Variants in SLC39A8 observed in about 807,000 individuals in gnomAD.
SLC39A8 encodes metal cation symporter ZIP8.
Under a neutral mutation model 40.4 loss-of-function variants are expected in SLC39A8, and 15 were observed. The ratio of observed to expected loss-of-function variants is 0.37; its 90% CI spans 0.25 to 0.57. The LOEUF is 0.57. Among genes scored for constraint, SLC39A8 ranks in the 20% least tolerant of loss-of-function variants. SLC39A8 has a pLI of 0.75. For synonymous variants in SLC39A8, 223 were observed against 221.6 expected, an observed-to-expected ratio of 1.01 and a Z score of -0.06; for missense variants, 472 against 558.8, an observed-to-expected ratio of 0.84 and a Z score of 1.57.
At chr4:102,303,210 GTTAT>G (rs943694349) in intron 6 of SLC39A8, among the ~76,000 whole-genome samples, 2 of 151,886 alleles carry the variant, frequency 1.3e-5, no homozygotes, top group African/African-American at 2.4e-5. Context: ...ACCTGGAGGG[GTTAT>G]TTAACATCTA....
At chr4:102,317,291 A>G (rs1578608758) in intron 2 of SLC39A8, among the ~76,000 whole-genome samples, 1 of 152,198 alleles carries the variant, frequency 6.6e-6, no homozygotes, top group African/African-American at 2.4e-5. Context: ...ACCAAGATCT[A>G]TGCAGTTGTC....
chr4:102,344,651 AC>A lies in SLC39A8; in HGVS notation c.11del (p.Gly4ValfsTer24). MAP[G>X]RAVAGLLLLA... is the part of the protein sequence containing the mutation. ...GCAACAGGAGCCCGGCCACCGCGCG[AC>A]CCGGGGCCATCCTGGCCTGGGCTTC... is the stretch of plus-strand genomic sequence containing the variant. On this transcript the variant is annotated frameshift_variant, in exon 2 of 9. Transcript: ENST00000356736. LOFTEE classifies it high-confidence loss of function. 6.5e-7 allele frequency: 1 copy of A among 1,532,818 alleles called. No individual in the cohort carries two copies. Among genetic ancestry groups the A allele is most frequent in the Non-Finnish European group, 8.8e-7 (1 of 1,141,282 alleles). 95.0% of individuals were successfully genotyped at this position (1,532,818 alleles called of 1,614,324 possible).
chr4:102,335,043 T>C (rs1735610181), intron 2 of SLC39A8, among the ~76,000 whole-genome samples: 1 of 152,190 alleles, frequency 6.6e-6, no homozygotes, highest in African/African-American at 2.4e-5. Context: ...CAACATTTAC[T>C]TAAACAGCGT....
chr4:102,297,982 G>T lies in SLC39A8; in HGVS notation c.840+6335C>A, dbSNP rs185036061. ...AAAGATGAGAATATTTAGAGGAACTGGCCTTAAAAAGGAGAAAGGACACCA... is the reference window on the plus strand; with the variant it reads ...AAAGATGAGAATATTTAGAGGAACTTGCCTTAAAAAGGAGAAAGGACACCA... On this transcript the variant is annotated intron_variant, in intron 6 of 8. Coordinates refer to ENST00000356736, the MANE Select transcript of SLC39A8 (RefSeq NM_001135146.2). 5.2e-3 allele frequency among the ~76,000 whole-genome samples: 791 copies of T among 151,950 alleles called. 4 individuals are homozygous for T. The highest frequency in any genetic ancestry group is 8.0e-3 in the Non-Finnish European group (541 of 67,932).
chr4:102,276,201 G>GT (rs1424177644), intron 6 of SLC39A8, among the ~76,000 whole-genome samples: 3 of 152,188 alleles, frequency 2.0e-5, no homozygotes, highest in Admixed American at 1.3e-4. Flanking sequence ...CCAGGAGCTG[G>GT]TTTTTTGAAA....
intron 11 of SLC39A8, among the ~76,000 whole-genome samples, chr4:102,256,181 A>G (rs953533273): frequency 6.6e-6 from 1 of 152,228 alleles, no homozygotes; most frequent in Non-Finnish European, 1.5e-5. Context: ...TTGTCTATTT[A>G]TAAGCATTGC....
chr4:102,336,874 C>T (rs886066752), intron 2 of SLC39A8, among the ~76,000 whole-genome samples: 1 of 152,292 alleles, frequency 6.6e-6, no homozygotes, highest in Non-Finnish European at 1.5e-5. Flanking sequence ...GTTTTGATTA[C>T]AAACAGGAAT....
rs757842740 is a variant in SLC39A8 at position 102,304,478 on chromosome 4, C to A, written c.679G>T (p.Gly227Cys). The change falls in exon 6 of 9, where the codon GGT (glycine) becomes TGT (cysteine). Residue 227 changes from glycine to cysteine, a missense_variant. Gly to Cys is a radical substitution (Grantham distance 159, BLOSUM62 -3). This residue lies in a region of SLC39A8 where 239 missense variants were observed against 317.9 expected (regional missense o/e 0.75). Coordinates refer to ENST00000356736, the MANE Select transcript of SLC39A8 (RefSeq NM_001135146.2). ...TTATCATTTCCAAAGTGGGTATGAC[C>A]ATTCTATATGGGAACAAAAACCAAA... ...KMLLKTYGQN[G>C]HTHFGNDNFG... The A allele has an allele frequency of 1.2e-6, 2 of 1,608,660 alleles. No homozygotes were observed. The highest frequency in any genetic ancestry group is 2.2e-5 in the East Asian group (1 of 44,646).
intron 2 of SLC39A8, among the ~76,000 whole-genome samples, chr4:102,333,793 A>G (rs969319585): frequency 3.9e-5 from 6 of 152,336 alleles, no homozygotes; most frequent in Admixed American, 3.3e-4. Flanking sequence ...CCTTGAAGAT[A>G]TACAGAAAGA....
chr4:102,340,577 A>G (rs891064218), intron 2 of SLC39A8, among the ~76,000 whole-genome samples: 3 of 152,214 alleles, frequency 2.0e-5, no homozygotes, highest in Non-Finnish European at 1.5e-5. Flanking sequence ...CCAAATCAGA[A>G]AAGGACTTTG....
At chr4:102,290,921 C>T (rs1733408340) in intron 6 of SLC39A8, among the ~76,000 whole-genome samples, 1 of 152,080 alleles carries the variant, frequency 6.6e-6, no homozygotes, top group Admixed American at 6.6e-5. Flanking sequence ...TTTTCCTTTT[C>T]ATTGTGAACA....
chr4:102,285,672 A>T (rs79276766), intron 6 of SLC39A8, among the ~76,000 whole-genome samples: 11,806 of 151,834 alleles, frequency 0.078, 633 homozygotes, highest in South Asian at 0.14. Context: ...TGCATGAGCC[A>T]GTCTGCTAAT....
chr4:102,320,409 AAT>A (rs1242991322), intron 2 of SLC39A8, among the ~76,000 whole-genome samples: 24 of 107,636 alleles, frequency 2.2e-4, no homozygotes, highest in Admixed American at 1.1e-3. Context: ...TATATATGAG[AAT>A]ATATATATGA....
At chr4:102,285,210 T>G (rs948629084) in intron 6 of SLC39A8, among the ~76,000 whole-genome samples, 3 of 152,190 alleles carry the variant, frequency 2.0e-5, no homozygotes, top group Admixed American at 6.6e-5. Flanking sequence ...TTGGTCTCTC[T>G]TTCTACTTAT....
At chr4:102,325,499 T>A (rs1392938471) in intron 2 of SLC39A8, among the ~76,000 whole-genome samples, 1 of 152,156 alleles carries the variant, frequency 6.6e-6, no homozygotes, top group Non-Finnish European at 1.5e-5. Context: ...TGAAGAACGC[T>A]TTTCCTGAAT....
chr4:102,281,784 C>A (rs765473346), intron 6 of SLC39A8, among the ~76,000 whole-genome samples: 6 of 152,096 alleles, frequency 3.9e-5, no homozygotes, highest in Non-Finnish European at 5.9e-5. Flanking sequence ...GAAGTAGGAG[C>A]CACACAAGAT....
intron 6 of SLC39A8, among the ~76,000 whole-genome samples, chr4:102,298,309 C>A (rs1733763571): frequency 6.6e-6 from 1 of 151,886 alleles, no homozygotes; most frequent in African/African-American, 2.4e-5. Context: ...GATAAAATGA[C>A]CTGTCCAGGG....
intron 3 of SLC39A8, among the ~76,000 whole-genome samples, chr4:102,314,351 G>C (rs936166445): frequency 4.6e-5 from 7 of 151,990 alleles, no homozygotes; most frequent in African/African-American, 1.7e-4. Context: ...ATTACAATCT[G>C]TTCTTCAGAT....
chr4:102,280,093 C>G (rs1425939768), intron 6 of SLC39A8, among the ~76,000 whole-genome samples: 1 of 152,148 alleles, frequency 6.6e-6, no homozygotes, highest in Non-Finnish European at 1.5e-5. Flanking sequence ...TTGGCTCCCT[C>G]CTTGAAGGTT....
Sources: gnomAD v4.1 joint callset for allele counts (sites outside exome capture counted in the v4.1 genomes callset) on GRCh38, gnomAD v4.1.1 for gene constraint, gnomAD v4.1.1 regional missense constraint, MANE v1.5 for transcripts, NCBI Gene and HGNC (gene_info 2026-07-23, HGNC 2026-07-21) for gene names.